Variants in VIL1 observed in about 807,000 individuals in gnomAD.
VIL1 encodes villin-1.
In VIL1, 86 loss-of-function variants were observed where a neutral mutation model predicts 104.0. That is an observed-to-expected ratio of 0.83 (90% CI 0.69 to 0.99). VIL1 has a LOEUF of 0.99. Ranked by LOEUF, VIL1 falls within the 50% of genes least tolerant of loss-of-function variation. The probability of loss-of-function intolerance (pLI) is 0.00; values close to 1 mark genes in which losing one functional copy is unlikely to be tolerated. For synonymous variants in VIL1, 394 were observed against 412.6 expected, an observed-to-expected ratio of 0.95 and a Z score of 0.55; for missense variants, 944 against 1,054.1, an observed-to-expected ratio of 0.90 and a Z score of 1.45.
rs929930076 is a variant in VIL1, at chr2:218,422,102, A to G, written c.-11-1666A>G. Among the ~76,000 whole-genome samples, 8 of 152,148 alleles carry G rather than the reference A, an allele frequency of 5.3e-5. No homozygotes were observed. The East Asian group carries it at 1.4e-3, about 26-fold the overall frequency. On this transcript the variant is annotated intron_variant, in intron 1 of 19. Coordinates refer to ENST00000248444, the MANE Select transcript of VIL1 (RefSeq NM_007127.3). ...AACCCCCGTCTCTATTAAAAATACA[A>G]AAATTAGCTGGGCTTGGTGGCTCGC... is the stretch of plus-strand genomic sequence containing the variant.
At chr2:218,446,669 G>A (rs1306316418) in intron 19 of VIL1, among the ~76,000 whole-genome samples, 3 of 151,934 alleles carry the variant, frequency 2.0e-5, no homozygotes, top group African/African-American at 7.3e-5. Context: ...CTGACAAGAG[G>A]GCTTTATAGT....
chr2:218,436,370 T>C, intron 15 of VIL1, 112 bp from the exon 16 acceptor site: 1 of 1,384,206 alleles, frequency 7.2e-7, no homozygotes, highest in Middle Eastern at 1.9e-4. Flanking sequence ...ATAGAGCATT[T>C]TGCTGGAGAT....
chr2:218,443,477 G>A lies in VIL1; in HGVS notation c.2370+2615G>A, dbSNP rs1001783240. Among the ~76,000 whole-genome samples, 4 of 151,970 alleles carry A rather than the reference G, an allele frequency of 2.6e-5. No homozygotes were observed. In the South Asian group the frequency reaches 8.3e-4, roughly 32 times the overall value. On this transcript the variant is annotated intron_variant, in intron 19 of 19. Coordinates refer to ENST00000248444, the MANE Select transcript of VIL1 (RefSeq NM_007127.3). ...CCTCCCAAAGTGCTATTACAAGCAT[G>A]AGCCACCACGCCCGGCCAATAATGG...
chr2:218,429,959 G>A lies in VIL1; in HGVS notation c.948+12G>A, dbSNP rs1371957725. Reference sequence around the variant, plus strand: ...TGAGCCATGCGCTGGTAGTGGTGGGGGCGGGGGAGGGTCCAGGAGGAGGGC... The same window carrying A: ...TGAGCCATGCGCTGGTAGTGGTGGGAGCGGGGGAGGGTCCAGGAGGAGGGC... On this transcript the variant is annotated intron_variant, in intron 9 of 19. Transcript: ENST00000248444. 1.3e-5 allele frequency: 19 copies of A among 1,469,588 alleles called. No homozygotes were observed. Among genetic ancestry groups the A allele is most frequent in the Non-Finnish European group, 1.4e-5 (15 of 1,048,934 alleles). 91.0% of individuals were successfully genotyped at this position (1,469,588 alleles called of 1,614,324 possible).
intron 17 of VIL1, 147 bp from the exon 18 acceptor site, chr2:218,438,511 C>G (rs1040856524): frequency 5.8e-6 from 4 of 694,628 alleles, no homozygotes; most frequent in Admixed American, 5.5e-5. Context: ...TTCAGGGACC[C>G]TCCTCCAGCC....
At chr2:218,439,772 G>C (rs1689256125) in intron 18 of VIL1, among the ~76,000 whole-genome samples, 1 of 142,862 alleles carries the variant, frequency 7.0e-6, no homozygotes, top group Non-Finnish European at 1.5e-5. Context: ...AGCTGAAATT[G>C]TGCCACTGCA....
At position 218,430,995 on chromosome 2, in the gene VIL1, G is replaced by A. The variant is rs112084215; in HGVS notation, c.1102+117G>A. 9.3e-3 allele frequency: 12,625 copies of A among 1,354,964 alleles called. 486 individuals are homozygous for A. The African/African-American group carries it at 0.11, about 12-fold the overall frequency. The allele number at this position is 1,354,964 out of a possible 1,614,324, so 83.9% of individuals were successfully genotyped here. On this transcript the variant is annotated intron_variant, in intron 10 of 19. Transcript: ENST00000248444. Reference sequence around the variant, plus strand: ...GTGCATCTTCAACGAAGACTTTTACGCTGGCTCTGGGCTTGTCCTAGCAGA... The same window carrying A: ...GTGCATCTTCAACGAAGACTTTTACACTGGCTCTGGGCTTGTCCTAGCAGA...
At position 218,450,494 on chromosome 2, in the gene VIL1, A is replaced by G. The variant is rs1298853702; in HGVS notation, c.*1158A>G. The stretch of plus-strand genomic sequence containing the variant: ...TGCCAGAAAACCTGGTAGTGGCTCA[A>G]TTAGGCAAAGTGTAGGAATCTCATT... On this transcript the variant is annotated 3_prime_UTR_variant, in exon 20 of 20. Transcript: ENST00000248444. 6.6e-6 allele frequency: 1 copy of G among 152,670 alleles called. No individual in the cohort carries two copies. The allele number at this position is 152,670 out of a possible 1,614,324, so 9.5% of individuals were successfully genotyped here.
At position 218,440,765 on chromosome 2, in the gene VIL1, A is replaced by C. The variant is rs1355676275; in HGVS notation, c.2273A>C (p.Asn758Thr). 6.2e-7 allele frequency: 1 copy of C among 1,614,142 alleles called. No individual in the cohort carries two copies. The highest frequency in any genetic ancestry group is 1.7e-5 in the Admixed American group (1 of 60,018). Residue 758 changes from asparagine (N) to threonine (T), a missense_variant, in exon 19 of 20, where the codon AAC becomes ACC. Transcript: ENST00000248444. ...PKVDVFNANS[N>T]LSSGPLPIFP... ...GTGGACGTGTTCAATGCTAACAGCA[A>C]CCTCAGTTCTGGGCCTCTGCCCATC...
intron 2 of VIL1, 25 bp downstream of exon 2, chr2:218,423,878 GC>G: frequency 6.2e-7 from 1 of 1,613,468 alleles, no homozygotes; most frequent in Non-Finnish European, 8.5e-7. Context: ...GGGCATGGGG[GC>G]TGCTCAGGCC....
intron 19 of VIL1, among the ~76,000 whole-genome samples, chr2:218,442,682 G>A (rs1559150540): frequency 6.6e-6 from 1 of 152,062 alleles, no homozygotes; most frequent in African/African-American, 2.4e-5. Flanking sequence ...AAAATAGGCT[G>A]CCAATCTAGC....
intron 19 of VIL1, among the ~76,000 whole-genome samples, chr2:218,447,737 TTTG>T (rs1372522436): frequency 7.3e-5 from 11 of 151,342 alleles, no homozygotes; most frequent in African/African-American, 2.7e-4. Context: ...CATACTTTGT[TTTG>T]TTTTTTTTTT....
Position 218,429,299 on chromosome 2 carries a change from C to T in VIL1, c.582C>T (p.Ala194=). 1 of 1,613,212 alleles carries T rather than the reference C, an allele frequency of 6.2e-7. No homozygotes were observed. Among genetic ancestry groups the T allele is most frequent in the Non-Finnish European group, 8.5e-7 (1 of 1,179,530 alleles). The change falls in exon 7 of 20, where the codon GCC becomes GCT. Residue 194 remains alanine (A), a synonymous_variant. Coordinates refer to ENST00000248444, the MANE Select transcript of VIL1 (RefSeq NM_007127.3). ...RMERLRGMTL[A]KEIRDQERGG... Reference sequence around the variant, plus strand: ...CCTTCCTGCAGGGCATGACTCTGGCCAAGGAGATCCGAGACCAGGAGCGGG... The same window carrying T: ...CCTTCCTGCAGGGCATGACTCTGGCTAAGGAGATCCGAGACCAGGAGCGGG...
intron 19 of VIL1, among the ~76,000 whole-genome samples, chr2:218,444,643 T>C (rs1245560728): frequency 6.6e-6 from 1 of 152,170 alleles, no homozygotes; most frequent in Non-Finnish European, 1.5e-5. Context: ...GAGTTCAGTG[T>C]CATGTGGGAG....
chr2:218,422,663 A>T (rs1237885406), intron 1 of VIL1, among the ~76,000 whole-genome samples: 1 of 152,226 alleles, frequency 6.6e-6, no homozygotes, highest in Non-Finnish European at 1.5e-5. Context: ...AGGTGACTCA[A>T]AGTCAAGGTG....
At chr2:218,446,760 C>T (rs1433857961) in intron 19 of VIL1, among the ~76,000 whole-genome samples, 36 of 125,590 alleles carry the variant, frequency 2.9e-4, no homozygotes, top group African/African-American at 9.7e-4. Context: ...GTGACCTTGA[C>T]TTTTTTTTTT....
intron 19 of VIL1, among the ~76,000 whole-genome samples, chr2:218,446,191 A>G (rs1316260545): frequency 6.6e-6 from 1 of 152,164 alleles, no homozygotes; most frequent in Non-Finnish European, 1.5e-5. Context: ...AATCTGACAC[A>G]TTCACAGAAG....
intron 6 of VIL1, 46 bp downstream of exon 6, chr2:218,428,383 C>T (rs772880342): frequency 6.6e-6 from 10 of 1,523,268 alleles, no homozygotes; most frequent in African/African-American, 1.4e-5. Flanking sequence ...TCCTAGACTG[C>T]CCCCACCTGC....
rs373715953 is a variant in VIL1, at chr2:218,430,615, C to T, written c.949-110C>T. 5.7e-5 allele frequency: 79 copies of T among 1,395,436 alleles called. No individual in the cohort carries two copies. In the African/African-American group the frequency reaches 8.6e-4, roughly 15 times the overall value. The allele number at this position is 1,395,436 out of a possible 1,614,324, so 86.4% of individuals were successfully genotyped here. A position where few individuals can be genotyped will look rare whatever the true frequency, so the allele number is the denominator to read the frequency against. On this transcript the variant is annotated intron_variant, in intron 9 of 19. Coordinates refer to ENST00000248444, the MANE Select transcript of VIL1 (RefSeq NM_007127.3). The stretch of plus-strand genomic sequence containing the variant: ...TTGGGTTTGGGTTCAGTTTTGGTGC[C>T]GGGGTAGATCTGATGGTGGATCTGG...
Sources: allele counts gnomAD v4.1 joint callset (sites outside exome capture counted in the v4.1 genomes callset), GRCh38; gene constraint gnomAD v4.1.1; transcripts MANE v1.5; gene names NCBI Gene and HGNC (gene_info 2026-07-23, HGNC 2026-07-21).